SPSB1: variants seen among roughly 807,000 people sequenced by gnomAD.
SPSB1 encodes splA/ryanodine receptor domain and SOCS box containing 1.
Under a neutral mutation model 21.2 loss-of-function variants are expected in SPSB1, and 8 were observed. The observed-to-expected ratio is 0.38, with a 90% confidence interval of 0.22 to 0.68. SPSB1 has a LOEUF of 0.68. SPSB1 is among the 30% of genes least tolerant of loss of function. SPSB1 has a pLI of 0.53. For missense variants in SPSB1, 242 were observed against 377.8 expected, an observed-to-expected ratio of 0.64 and a Z score of 2.98; for synonymous variants, 169 against 161.7, an observed-to-expected ratio of 1.05 and a Z score of -0.34.
intron 1 of SPSB1, among the ~76,000 whole-genome samples, chr1:9,323,112 G>C (rs944008334): frequency 6.6e-6 from 1 of 152,204 alleles, no homozygotes; most frequent in Non-Finnish European, 1.5e-5. Flanking sequence ...AGGACTTTGC[G>C]GCCTCTGCAG....
In SPSB1 at chr1:9,317,431, G is replaced by C. The variant is rs1332893977; in HGVS notation, c.-150+24360G>C. Among the ~76,000 whole-genome samples the C allele has an allele frequency of 6.6e-6, 1 of 152,144 alleles. No homozygotes were observed. Among genetic ancestry groups the C allele is most frequent in the Non-Finnish European group, 1.5e-5 (1 of 68,030 alleles). On this transcript the variant is annotated intron_variant, in intron 1 of 2. Coordinates refer to ENST00000328089, the MANE Select transcript of SPSB1 (RefSeq NM_025106.4). The surrounding 1 kb of genome is among the most constrained non-coding windows in gnomAD (Gnocchi z 4.3). ...TTGGTTTAGGTATCTGGGAGAAGGG[G>C]TGTGGGGGCGTGTGGTAGAGATTTT...
rs1557453195 is a variant in SPSB1, at chr1:9,324,986, TGGGTAGG to T, written c.-149-30756_-149-30750del. Reference sequence around the variant, plus strand: ...GAGGCGCCTGTGAGCGGGTCAGTACTGGGTAGGCAGCCCCATTGGGAGCCACAGCCAC... The same window carrying T: ...GAGGCGCCTGTGAGCGGGTCAGTACTCAGCCCCATTGGGAGCCACAGCCAC... On this transcript the variant is annotated intron_variant, in intron 1 of 2. Coordinates refer to ENST00000328089, the MANE Select transcript of SPSB1 (RefSeq NM_025106.4). The surrounding 1 kb of genome is among the most constrained non-coding windows in gnomAD (Gnocchi z 4.3). Among the ~76,000 whole-genome samples the T allele has an allele frequency of 6.6e-6, 1 of 152,132 alleles. No homozygotes were observed. Among genetic ancestry groups the T allele is most frequent in the Non-Finnish European group, 1.5e-5 (1 of 68,004 alleles).
rs1639724380 is a variant in SPSB1, at chr1:9,321,679, T to C, written c.-150+28608T>C. Among the ~76,000 whole-genome samples the C allele has an allele frequency of 6.6e-6, 1 of 151,988 alleles. No homozygotes were observed. Among genetic ancestry groups the C allele is most frequent in the Non-Finnish European group, 1.5e-5 (1 of 68,004 alleles). On this transcript the variant is annotated intron_variant, in intron 1 of 2. Coordinates refer to ENST00000328089, the MANE Select transcript of SPSB1 (RefSeq NM_025106.4). This position sits in a 1 kb window ranked among gnomAD's most constrained non-coding sequence, Gnocchi z 4.8. The stretch of plus-strand genomic sequence containing the variant: ...TAAATAAAAAAAAAAATGCTGCTGA[T>C]TGTCACTGTAATGTGCCCTTGACTC...
At chr1:9,322,882 G>A (rs538263909) in intron 1 of SPSB1, among the ~76,000 whole-genome samples, 2 of 98,258 alleles carry the variant, frequency 2.0e-5, no homozygotes, top group East Asian at 3.1e-4. Flanking sequence ...CCACCCGCCC[G>A]GACGCTCTTC....
At chr1:9,326,618 AGAGGCCTT>A (rs1285022363) in intron 1 of SPSB1, among the ~76,000 whole-genome samples, 1 of 152,206 alleles carries the variant, frequency 6.6e-6, no homozygotes, top group Non-Finnish European at 1.5e-5. Context: ...CTGGGGGACC[AGAGGCCTT>A]GCTGAGGCTC....
In SPSB1 at chr1:9,348,124, T is replaced by G. The variant is rs977236478; in HGVS notation, c.-149-7619T>G. ...CACGCCCAGCTTATTTTTGTATTTT[T>G]AGTAGAGATGGGGTTTCACTATGTT... On this transcript the variant is annotated intron_variant, in intron 1 of 2. Transcript: ENST00000328089. This position sits in a 1 kb window ranked among gnomAD's most constrained non-coding sequence, Gnocchi z 4.8. 4.6e-5 allele frequency among the ~76,000 whole-genome samples: 7 copies of G among 151,882 alleles called. No individual in the cohort carries two copies. The highest frequency in any genetic ancestry group is 6.6e-5 in the Admixed American group (1 of 15,248).
chr1:9,322,135 C>G (rs1639731304), intron 1 of SPSB1, among the ~76,000 whole-genome samples: 1 of 152,178 alleles, frequency 6.6e-6, no homozygotes, highest in Non-Finnish European at 1.5e-5. Context: ...GGACTTAGCT[C>G]CTGGTGGTCG....
intron 1 of SPSB1, among the ~76,000 whole-genome samples, chr1:9,297,201 C>T (rs941587802): frequency 2.0e-5 from 3 of 152,134 alleles, no homozygotes; most frequent in Admixed American, 6.5e-5. Context: ...ACTGCGTAGG[C>T]GATGGGTGGA....
At chr1:9,349,480 C>T (rs911958591) in intron 1 of SPSB1, among the ~76,000 whole-genome samples, 1 of 152,228 alleles carries the variant, frequency 6.6e-6, no homozygotes, top group Non-Finnish European at 1.5e-5. Context: ...GGACGTGGAG[C>T]GTGAGAGGCT....
chr1:9,334,678 G>A (rs530371819), intron 1 of SPSB1, among the ~76,000 whole-genome samples: 23 of 151,722 alleles, frequency 1.5e-4, no homozygotes, highest in Admixed American at 9.2e-4. Context: ...CCTGCTCCCC[G>A]GAGCTCCTGG....
At chr1:9,311,199 A>G (rs1450282822) in intron 1 of SPSB1, among the ~76,000 whole-genome samples, 3 of 149,138 alleles carry the variant, frequency 2.0e-5, no homozygotes, top group Non-Finnish European at 4.4e-5. Context: ...TCATGCAGCC[A>G]GTATTCCCTG....
chr1:9,366,807 C>T (rs1381218015), intron 2 of SPSB1, among the ~76,000 whole-genome samples: 2 of 152,224 alleles, frequency 1.3e-5, no homozygotes, highest in Non-Finnish European at 2.9e-5. Context: ...CTCCTGGCCT[C>T]AAATGATCCA....
chr1:9,359,949 A>T (rs560527631), intron 2 of SPSB1, among the ~76,000 whole-genome samples: 8 of 152,280 alleles, frequency 5.3e-5, no homozygotes, highest in African/African-American at 1.9e-4. Flanking sequence ...GGTGACTTGC[A>T]TTGTTTGGGT....
At position 9,317,866 on chromosome 1, in the gene SPSB1, CA is replaced by C. The variant is rs1435802050; in HGVS notation, c.-150+24796del. ...TTTTTTTTTTTTTTTTGAGACCCTGCAGATTGGCGGGTCGCTTTGGTGGGAG... is the reference window on the plus strand; with the variant it reads ...TTTTTTTTTTTTTTTTGAGACCCTGCGATTGGCGGGTCGCTTTGGTGGGAG... On this transcript the variant is annotated intron_variant, in intron 1 of 2. Coordinates refer to ENST00000328089, the MANE Select transcript of SPSB1 (RefSeq NM_025106.4). This position sits in a 1 kb window ranked among gnomAD's most constrained non-coding sequence, Gnocchi z 4.3. 7.0e-6 allele frequency among the ~76,000 whole-genome samples: 1 copy of C among 143,508 alleles called. No individual in the cohort carries two copies. Among genetic ancestry groups the C allele is most frequent in the African/African-American group, 2.6e-5 (1 of 38,188 alleles). 94.1% of individuals were successfully genotyped at this position (143,508 alleles called of 152,430 possible).
chr1:9,366,577 C>CT (rs35877709), intron 2 of SPSB1, among the ~76,000 whole-genome samples: 16,545 of 135,476 alleles, frequency 0.12, 1,241 homozygotes, highest in South Asian at 0.23. Flanking sequence ...GTCCTCAGTT[C>CT]TTTTTTTTTT....
intron 1 of SPSB1, among the ~76,000 whole-genome samples, chr1:9,352,883 G>A (rs1557463714): frequency 1.3e-5 from 2 of 148,380 alleles, no homozygotes; most frequent in Admixed American, 6.7e-5. Context: ...TCCCACACGT[G>A]GAGAGAGGGT....
At chr1:9,308,169 G>C (rs1389855073) in intron 1 of SPSB1, among the ~76,000 whole-genome samples, 1 of 152,200 alleles carries the variant, frequency 6.6e-6, no homozygotes, top group Non-Finnish European at 1.5e-5. Flanking sequence ...AAAGGGGGTG[G>C]ACTGCCTCTC....
Position 9,346,510 on chromosome 1 carries a change from C to T in SPSB1, c.-149-9233C>T, listed in dbSNP as rs989013774. On this transcript the variant is annotated intron_variant, in intron 1 of 2. Coordinates refer to ENST00000328089, the MANE Select transcript of SPSB1 (RefSeq NM_025106.4). The surrounding 1 kb of genome is among the most constrained non-coding windows in gnomAD (Gnocchi z 4.4). ...TTCAACAGACCTCTTCCTAAAACAC[C>T]ACCACAAACAGGTAATTTTTAGAGG... is the stretch of plus-strand genomic sequence containing the variant. Among the ~76,000 whole-genome samples the T allele has an allele frequency of 6.6e-6, 1 of 152,184 alleles. No homozygotes were observed. The highest frequency in any genetic ancestry group is 2.4e-5 in the African/African-American group (1 of 41,444).
chr1:9,365,821 G>A (rs944796013), intron 2 of SPSB1, among the ~76,000 whole-genome samples: 22 of 152,322 alleles, frequency 1.4e-4, no homozygotes, highest in African/African-American at 5.3e-4. Flanking sequence ...AAGTCAAGGG[G>A]AGACCGTGGA....
Sources: gnomAD v4.1 joint callset for allele counts (sites outside exome capture counted in the v4.1 genomes callset) on GRCh38, gnomAD v4.1.1 for gene constraint, Gnocchi (gnomAD v3.1) non-coding constraint, MANE v1.5 for transcripts, NCBI Gene and HGNC (gene_info 2026-07-23, HGNC 2026-07-21) for gene names.